Variants in TTC34 observed in about 807,000 individuals in gnomAD.
TTC34 encodes tetratricopeptide repeat domain 34, also known as tetratricopeptide repeat protein 34.
TTC34 carries 44 observed loss-of-function variants against 40.7 expected under a neutral mutation model. The ratio of observed to expected loss-of-function variants is 1.08; its 90% CI spans 0.85 to 1.39. The LOEUF (loss-of-function observed/expected upper bound fraction) is 1.39. TTC34 is among the 40% of genes most tolerant of loss of function. The pLI, the probability that TTC34 is intolerant of heterozygous loss-of-function variation, is 0.00. For missense variants in TTC34, 884 were observed against 838.0 expected, an observed-to-expected ratio of 1.05 and a Z score of -0.68; for synonymous variants, 422 against 398.6, an observed-to-expected ratio of 1.06 and a Z score of -0.70.
intron 4 of TTC34, among the ~76,000 whole-genome samples, chr1:2,787,145 A>G (rs906429198): frequency 6.6e-6 from 1 of 152,176 alleles, no homozygotes; most frequent in African/African-American, 2.4e-5. Flanking sequence ...AGAGACTTGG[A>G]GAGAAGCTCG....
At chr1:2,666,292 C>CA in intron 6 of TTC34, among the ~76,000 whole-genome samples, 1 of 48,134 alleles carries the variant, frequency 2.1e-5, no homozygotes, top group African/African-American at 7.1e-5. Context: ...CACCCACACC[C>CA]CAAGGCGAGC....
intron 6 of TTC34, among the ~76,000 whole-genome samples, chr1:2,768,042 C>G (rs1321642579): frequency 6.6e-6 from 1 of 151,484 alleles, no homozygotes; most frequent in African/African-American, 2.4e-5. Flanking sequence ...CAGCACCCCA[C>G]AACCCCAGGT....
chr1:2,700,706 G>C (rs192640759), intron 6 of TTC34, among the ~76,000 whole-genome samples: 65 of 110,416 alleles, frequency 5.9e-4, no homozygotes, highest in South Asian at 5.1e-3. Flanking sequence ...GCTCCCAGGT[G>C]AGCATTTGAC....
chr1:2,692,527 T>A (rs796935213), intron 6 of TTC34, among the ~76,000 whole-genome samples: 1 of 18,016 alleles, frequency 5.6e-5, no homozygotes, highest in Admixed American at 6.4e-4. Flanking sequence ...ACGTGACAGC[T>A]TGGATCAGCA....
At chr1:2,683,715 C>T (rs1326269787) in intron 6 of TTC34, among the ~76,000 whole-genome samples, 2 of 151,250 alleles carry the variant, frequency 1.3e-5, no homozygotes, top group African/African-American at 4.9e-5. Context: ...CACCCACACC[C>T]CCAGGTGAGC....
intron 6 of TTC34, among the ~76,000 whole-genome samples, chr1:2,648,917 C>CACACACCTA (rs927592317): frequency 6.6e-6 from 1 of 151,150 alleles, no homozygotes; most frequent in African/African-American, 2.4e-5. Context: ...GATGGCACCC[C>CACACACCTA]ACACACCTAG....
chr1:2,750,111 A>G (rs1477441311), intron 6 of TTC34, among the ~76,000 whole-genome samples: 3 of 108,634 alleles, frequency 2.8e-5, no homozygotes, highest in East Asian at 3.2e-4. Context: ...ACAGCCTGGA[A>G]CAGCACCCAC....
At position 2,645,144 on chromosome 1, in the gene TTC34, G is replaced by T. The variant is rs1431912399; in HGVS notation, c.2497+149C>A. On this transcript the variant is annotated intron_variant, in intron 7 of 8. Transcript: ENST00000401095. This position sits in a 1 kb window ranked among gnomAD's most constrained non-coding sequence, Gnocchi z 4.7. ...AGGCCTCACACAGGGAGCAGGGCCA[G>T]AGGTCATGGGATTTGGGGTGGAAGG... The T allele has an allele frequency of 1.0e-6, 1 of 971,464 alleles. No individual in the cohort carries two copies. The highest frequency in any genetic ancestry group is 1.4e-6 in the Non-Finnish European group (1 of 718,350). 60.2% of individuals were successfully genotyped at this position (971,464 alleles called of 1,614,324 possible).
At chr1:2,687,599 A>T in intron 6 of TTC34, among the ~76,000 whole-genome samples, 1 of 147,668 alleles carries the variant, frequency 6.8e-6, no homozygotes, top group Non-Finnish European at 1.5e-5. Context: ...CTGGAACAGC[A>T]CCCACACCCC....
chr1:2,654,768 C>CT (rs1639281387), intron 6 of TTC34, among the ~76,000 whole-genome samples: 2 of 146,926 alleles, frequency 1.4e-5, no homozygotes, highest in Admixed American at 6.7e-5. Flanking sequence ...GAACAGCAAC[C>CT]ACACCCCGGG....
chr1:2,747,997 C>CA (rs2100421330), intron 6 of TTC34, among the ~76,000 whole-genome samples: 4 of 61,904 alleles, frequency 6.5e-5, no homozygotes, highest in Non-Finnish European at 8.1e-5. Context: ...GCAGCACCCA[C>CA]ACCCCAGGTG....
chr1:2,688,401 C>A (rs1261669638), intron 6 of TTC34, among the ~76,000 whole-genome samples: 1 of 151,548 alleles, frequency 6.6e-6, no homozygotes, highest in African/African-American at 2.4e-5. Flanking sequence ...CCTGGAACAG[C>A]ACCCACACCC....
intron 6 of TTC34, among the ~76,000 whole-genome samples, chr1:2,750,206 C>T (rs1248062898): frequency 1.6e-4 from 23 of 140,662 alleles, no homozygotes; most frequent in African/African-American, 6.3e-4. Flanking sequence ...ACCCACACCC[C>T]CAGGTGCGCA....
rs979171478 is a variant in TTC34 at position 2,789,801 on chromosome 1, G to A, written c.1330C>T (p.Gln444Ter). 2.7e-5 allele frequency: 13 copies of A among 482,846 alleles called. No homozygotes were observed. Among genetic ancestry groups the A allele is most frequent in the African/African-American group, 2.6e-4 (13 of 49,178 alleles). 29.9% of individuals were successfully genotyped at this position (482,846 alleles called of 1,614,324 possible). A position where few individuals can be genotyped will look rare whatever the true frequency, so the allele number is the denominator to read the frequency against. Residue 444 changes from glutamine (Q) to a stop codon, truncating the protein, a stop_gained, in exon 3 of 9, where the codon CAG becomes TAG. Coordinates refer to ENST00000401095, the Ensembl canonical transcript of TTC34. LOFTEE classifies it high-confidence loss of function. ...CAGCCCCCCGGGTGCGGCGCCCCCT[G>A]CTCCACTACCGTCTGGAAGTCCTCC...
At chr1:2,651,893 A>G (rs952661928) in intron 6 of TTC34, among the ~76,000 whole-genome samples, 4 of 151,898 alleles carry the variant, frequency 2.6e-5, no homozygotes, top group Non-Finnish European at 5.9e-5. Context: ...ATTTTGGGTG[A>G]GCAGCTGAGA....
intron 6 of TTC34, among the ~76,000 whole-genome samples, chr1:2,771,518 G>A (rs1455642675): frequency 5.0e-5 from 2 of 40,000 alleles, no homozygotes; most frequent in Non-Finnish European, 8.4e-5. Context: ...GGAGTAGCAC[G>A]CACACCCCCA....
intron 6 of TTC34, among the ~76,000 whole-genome samples, chr1:2,683,624 C>T (rs533035583): frequency 2.8e-3 from 410 of 146,608 alleles, no homozygotes; most frequent in African/African-American, 0.01. Flanking sequence ...CCTTCAGCAG[C>T]ACCCACACCC....
intron 5 of TTC34, among the ~76,000 whole-genome samples, chr1:2,784,666 C>T (rs1643550316): frequency 6.6e-6 from 1 of 152,210 alleles, no homozygotes; most frequent in South Asian, 2.1e-4. Flanking sequence ...GTCCCTTCAG[C>T]ACCTGACCCT....
At chr1:2,677,907 T>A (rs1441801372) in intron 6 of TTC34, among the ~76,000 whole-genome samples, 1 of 32,832 alleles carries the variant, frequency 3.0e-5, no homozygotes. Context: ...GGCGAGCATC[T>A]GACAGCCTGG....
Sources: allele counts gnomAD v4.1 joint callset (sites outside exome capture counted in the v4.1 genomes callset), GRCh38; gene constraint gnomAD v4.1.1; non-coding constraint Gnocchi (gnomAD v3.1); transcripts MANE v1.5; gene names NCBI Gene and HGNC (gene_info 2026-07-23, HGNC 2026-07-21).